Variants in AGBL4 observed in about 807,000 individuals in gnomAD.
AGBL4 encodes the protein AGBL carboxypeptidase 4.
AGBL4 carries 58 observed loss-of-function variants against 66.4 expected under a neutral mutation model. That is an observed-to-expected ratio of 0.87 (90% CI 0.71 to 1.09). The LOEUF (loss-of-function observed/expected upper bound fraction) is 1.09. Among genes scored for constraint, AGBL4 ranks in the 50% least tolerant of loss-of-function variants. The pLI is 0.00. For synonymous variants in AGBL4, 234 were observed against 222.9 expected (o/e 1.05, Z -0.44); for missense variants, 579 against 631.0 (o/e 0.92, Z 0.88).
chr1:48,980,133 G>C (rs1028295700), intron 5 of AGBL4, among the ~76,000 whole-genome samples: 8 of 152,134 alleles, frequency 5.3e-5, no homozygotes, highest in African/African-American at 1.9e-4. Flanking sequence ...ATATAAGTGC[G>C]GCATTGGGCA....
At chr1:48,818,765 T>G (rs1190511132) in intron 6 of AGBL4, among the ~76,000 whole-genome samples, 2 of 152,116 alleles carry the variant, frequency 1.3e-5, no homozygotes, top group African/African-American at 4.8e-5. Context: ...ATAATATGCA[T>G]GCAAAAAACA....
intron 6 of AGBL4, among the ~76,000 whole-genome samples, chr1:48,753,279 G>GA (rs756516123): frequency 1.3e-5 from 2 of 152,220 alleles, no homozygotes; most frequent in Non-Finnish European, 1.5e-5. Context: ...ACCTAGAGGA[G>GA]AAAACAGACA....
intron 5 of AGBL4, among the ~76,000 whole-genome samples, chr1:48,972,478 TA>T (rs1658987347): frequency 1.3e-5 from 2 of 152,182 alleles, no homozygotes; most frequent in South Asian, 4.1e-4. Flanking sequence ...TAGTATCCTT[TA>T]AAGGCAGTCC....
At chr1:48,953,586 C>G (rs1162986718) in intron 5 of AGBL4, among the ~76,000 whole-genome samples, 1 of 152,140 alleles carries the variant, frequency 6.6e-6, no homozygotes, top group South Asian at 2.1e-4. Flanking sequence ...TGACAAGTAA[C>G]TACATAGAAA....
At chr1:48,844,690 G>A (rs771398523) in intron 6 of AGBL4, among the ~76,000 whole-genome samples, 4 of 152,148 alleles carry the variant, frequency 2.6e-5, no homozygotes, top group African/African-American at 7.2e-5. Flanking sequence ...CTTTGTCAGC[G>A]TTCTTGGTAT....
At chr1:49,738,522 T>C (rs1256407700) in intron 2 of AGBL4, among the ~76,000 whole-genome samples, 2 of 152,200 alleles carry the variant, frequency 1.3e-5, no homozygotes, top group Non-Finnish European at 2.9e-5. Context: ...CTCTGCAGAC[T>C]TAAATGTCCC....
chr1:49,459,060 C>A (rs1646453204), intron 3 of AGBL4, among the ~76,000 whole-genome samples: 1 of 150,500 alleles, frequency 6.6e-6, no homozygotes, highest in South Asian at 2.1e-4. Flanking sequence ...CTTTCCTTTT[C>A]TTTTATTTCT....
At chr1:49,906,446 T>G (rs564890168) in intron 1 of AGBL4, among the ~76,000 whole-genome samples, 2 of 152,084 alleles carry the variant, frequency 1.3e-5, no homozygotes, top group South Asian at 4.1e-4. Flanking sequence ...GGTTATAAGT[T>G]TTTCCAGTTA....
intron 1 of AGBL4, among the ~76,000 whole-genome samples, chr1:50,021,784 C>T (rs1557666152): frequency 6.6e-6 from 1 of 152,112 alleles, no homozygotes; most frequent in African/African-American, 2.4e-5. Flanking sequence ...ACATTGTAGC[C>T]AGAGTTATTT....
chr1:48,837,904 A>G (rs1646721574), intron 6 of AGBL4, among the ~76,000 whole-genome samples: 1 of 151,498 alleles, frequency 6.6e-6, no homozygotes, highest in African/African-American at 2.4e-5. Flanking sequence ...GAAGCCATTA[A>G]AGGGTTTTAA....
At chr1:49,314,700 T>TG (rs1449264911) in intron 3 of AGBL4, among the ~76,000 whole-genome samples, 2 of 152,132 alleles carry the variant, frequency 1.3e-5, no homozygotes, top group Admixed American at 6.6e-5. Context: ...TACGTGTGCA[T>TG]GTGTCTTTAT....
intron 3 of AGBL4, among the ~76,000 whole-genome samples, chr1:49,260,347 C>CA (rs1210902821): frequency 6.6e-6 from 1 of 150,388 alleles, no homozygotes; most frequent in Non-Finnish European, 1.5e-5. Flanking sequence ...AAAAACCCTT[C>CA]AAAAAATTAA....
At chr1:48,738,980 T>C (rs1649492002) in intron 6 of AGBL4, among the ~76,000 whole-genome samples, 1 of 152,328 alleles carries the variant, frequency 6.6e-6, no homozygotes, top group Non-Finnish European at 1.5e-5. Context: ...ATCAGTCAAT[T>C]TTGGAATCAA....
intron 6 of AGBL4, among the ~76,000 whole-genome samples, chr1:48,740,392 T>C (rs1172309586): frequency 6.6e-6 from 1 of 152,214 alleles, no homozygotes; most frequent in East Asian, 1.9e-4. Context: ...TCTGGATATG[T>C]TTCCCTACCC....
intron 11 of AGBL4, among the ~76,000 whole-genome samples, chr1:48,565,878 A>G (rs1051645435): frequency 1.3e-5 from 2 of 152,190 alleles, no homozygotes; most frequent in Non-Finnish European, 2.9e-5. Context: ...CTGAGAAGTC[A>G]TTAGGGAGGA....
At chr1:49,502,879 C>T (rs1254178938) in intron 3 of AGBL4, among the ~76,000 whole-genome samples, 1 of 152,058 alleles carries the variant, frequency 6.6e-6, no homozygotes, top group Non-Finnish European at 1.5e-5. Flanking sequence ...GGAAAATTTG[C>T]AGCCTGACAA....
intron 2 of AGBL4, among the ~76,000 whole-genome samples, chr1:49,849,952 T>C (rs1646265006): frequency 6.6e-6 from 1 of 152,198 alleles, no homozygotes; most frequent in Non-Finnish European, 1.5e-5. Flanking sequence ...TCAAAGATAT[T>C]ATGTAGGCAT....
chr1:48,919,142 A>G (rs1417458540), intron 5 of AGBL4, among the ~76,000 whole-genome samples: 2 of 152,174 alleles, frequency 1.3e-5, no homozygotes, highest in African/African-American at 4.8e-5. Flanking sequence ...TTTTCTAAGA[A>G]GTCTTCAGAG....
intron 5 of AGBL4, among the ~76,000 whole-genome samples, chr1:49,026,254 CTT>C (rs1645167573): frequency 1.3e-5 from 2 of 152,146 alleles, no homozygotes; most frequent in African/African-American, 4.8e-5. Flanking sequence ...TGTCTCAGCT[CTT>C]GTTTGTTCTT....
Sources: gnomAD v4.1 joint callset for allele counts (sites outside exome capture counted in the v4.1 genomes callset) on GRCh38, gnomAD v4.1.1 for gene constraint, MANE v1.5 for transcripts, NCBI Gene and HGNC (gene_info 2026-07-23, HGNC 2026-07-21) for gene names.